Variants in RGS6 observed in about 807,000 individuals in gnomAD.
The protein encoded by RGS6 is regulator of G protein signaling 6.
A neutral mutation model predicts 78.5 loss-of-function variants in RGS6; 30 were observed. That is an observed-to-expected ratio of 0.38 (90% CI 0.29 to 0.52). RGS6 has a LOEUF of 0.52. RGS6 is among the 20% of genes least tolerant of loss of function. The pLI is 0.85. For missense variants in RGS6, 495 were observed against 609.7 expected, an observed-to-expected ratio of 0.81 and a Z score of 1.98; for synonymous variants, 206 against 206.0, an observed-to-expected ratio of 1.00 and a Z score of 0.00.
intron 2 of RGS6, among the ~76,000 whole-genome samples, chr14:72,190,347 A>T (rs569769428): frequency 1.3e-5 from 2 of 152,318 alleles, no homozygotes; most frequent in African/African-American, 4.8e-5. Flanking sequence ...TTTTTCCATC[A>T]TTTGGGTCTA....
chr14:72,399,564 C>G (rs1421107550), intron 3 of RGS6, among the ~76,000 whole-genome samples: 1 of 152,142 alleles, frequency 6.6e-6, no homozygotes, highest in Admixed American at 6.5e-5. Flanking sequence ...TGAATTTGAT[C>G]CTGTCCTTAT....
intron 3 of RGS6, among the ~76,000 whole-genome samples, chr14:72,445,988 G>T (rs373443573): frequency 1.3e-5 from 2 of 152,150 alleles, no homozygotes; most frequent in Non-Finnish European, 2.9e-5. Flanking sequence ...GCCAGTCATC[G>T]TGGTTCACAC....
chr14:72,047,725 A>ATTTCTT (rs3053105), intron 2 of RGS6, among the ~76,000 whole-genome samples: 1,761 of 151,726 alleles, frequency 0.012, 17 homozygotes, highest in Non-Finnish European at 0.021. Context: ...TACAAACTTC[A>ATTTCTT]TTTCTTTTTC....
chr14:72,589,184 A>G, the RGS6 span, among the ~76,000 whole-genome samples: 1 of 134,668 alleles, frequency 7.4e-6, no homozygotes, highest in Non-Finnish European at 1.7e-5. Flanking sequence ...AAAAAATAAA[A>G]TAAAGATATC....
intron 2 of RGS6, among the ~76,000 whole-genome samples, chr14:72,047,905 T>C (rs1017590313): frequency 6.8e-6 from 1 of 147,468 alleles, no homozygotes; most frequent in Admixed American, 6.7e-5. Context: ...TTTGTTTTTT[T>C]TTTTTTTTTT....
At chr14:72,623,830 A>G in the RGS6 span, among the ~76,000 whole-genome samples, 2 of 152,216 alleles carry the variant, frequency 1.3e-5, no homozygotes, top group Non-Finnish European at 2.9e-5. Flanking sequence ...ATGTTCTCTA[A>G]AGACCATTGC....
At position 72,055,692 on chromosome 14, in the gene RGS6, A is replaced by G. The variant is rs2093585135; in HGVS notation, c.84+90817A>G. 2.0e-5 allele frequency among the ~76,000 whole-genome samples: 3 copies of G among 152,156 alleles called. No homozygotes were observed. In the South Asian group the frequency reaches 6.2e-4, roughly 32 times the overall value. ...AGCTTCCCAGGTGATTCTAACGTGC[A>G]GTCAAGGTTGAGAATCACTGCTTTA... On this transcript the variant is annotated intron_variant, in intron 2 of 17. Coordinates refer to ENST00000553525, the MANE Select transcript of RGS6 (RefSeq NM_001204424.2).
chr14:72,468,306 G>T (rs34926602), intron 7 of RGS6, among the ~76,000 whole-genome samples: 1 of 151,810 alleles, frequency 6.6e-6, no homozygotes, highest in Non-Finnish European at 1.5e-5. Flanking sequence ...TTGAACCTGG[G>T]AGGCGGAGGT....
chr14:72,091,915 G>A (rs2095279866), intron 2 of RGS6, among the ~76,000 whole-genome samples: 1 of 152,192 alleles, frequency 6.6e-6, no homozygotes, highest in African/African-American at 2.4e-5. Context: ...GAATAAGTCA[G>A]ATCATTGACA....
intron 3 of RGS6, among the ~76,000 whole-genome samples, chr14:72,411,058 T>C (rs904296004): frequency 2.6e-5 from 4 of 152,214 alleles, no homozygotes; most frequent in African/African-American, 9.7e-5. Context: ...GCGGGCTCTT[T>C]TTTGGTTCCA....
At chr14:72,549,841 G>A (rs557650186) in intron 17 of RGS6, among the ~76,000 whole-genome samples, 5 of 152,244 alleles carry the variant, frequency 3.3e-5, no homozygotes, top group Middle Eastern at 3.4e-3. Flanking sequence ...CAGCCTGGGC[G>A]ACAGAGCAAA....
intron 2 of RGS6, among the ~76,000 whole-genome samples, chr14:72,235,653 A>G (rs900253169): frequency 6.6e-6 from 1 of 152,188 alleles, no homozygotes. Flanking sequence ...AAGTTGCTCA[A>G]TGGTTGCTCC....
At chr14:72,326,278 A>G (rs80017609) in intron 2 of RGS6, among the ~76,000 whole-genome samples, 2,710 of 152,336 alleles carry the variant, frequency 0.018, 37 homozygotes, top group Non-Finnish European at 0.028. Flanking sequence ...AGAGTATGTT[A>G]CCATTATTGT....
chr14:72,320,476 G>C lies in RGS6; in HGVS notation c.85-31619G>C, dbSNP rs553773032. ...ACCTGTAGTCCCAGCTACTTGGGAGGCTGAGGCAGGAGAATGGCGTGAACC... is the reference window on the plus strand; with the variant it reads ...ACCTGTAGTCCCAGCTACTTGGGAGCCTGAGGCAGGAGAATGGCGTGAACC... On this transcript the variant is annotated intron_variant, in intron 2 of 17. Transcript: ENST00000553525. 2.0e-5 allele frequency among the ~76,000 whole-genome samples: 3 copies of C among 152,164 alleles called. No individual in the cohort carries two copies. The East Asian group carries it at 5.8e-4, about 29-fold the overall frequency.
intron 1 of RGS6, among the ~76,000 whole-genome samples, chr14:71,950,067 G>A (rs1182206961): frequency 6.6e-6 from 1 of 152,082 alleles, no homozygotes; most frequent in Non-Finnish European, 1.5e-5. Flanking sequence ...AATTACGTGA[G>A]CTTTATAGGA....
the RGS6 span, among the ~76,000 whole-genome samples, chr14:71,898,799 A>G: frequency 6.6e-6 from 1 of 152,024 alleles, no homozygotes; most frequent in Non-Finnish European, 1.5e-5. Flanking sequence ...TTTGCTGAGG[A>G]TGATGGTTTC....
the RGS6 span, among the ~76,000 whole-genome samples, chr14:72,607,460 GC>G: frequency 1.3e-5 from 2 of 152,190 alleles, no homozygotes; most frequent in Non-Finnish European, 2.9e-5. Context: ...TGTGGACTCT[GC>G]CCCCCATGAC....
chr14:72,459,251 G>A (rs2095712803), intron 5 of RGS6, among the ~76,000 whole-genome samples: 1 of 152,178 alleles, frequency 6.6e-6, no homozygotes, highest in Admixed American at 6.5e-5. Context: ...TTGAATCAAG[G>A]TCTAACCAAA....
chr14:72,629,021 A>C, the RGS6 span, among the ~76,000 whole-genome samples: 1 of 152,250 alleles, frequency 6.6e-6, no homozygotes, highest in Non-Finnish European at 1.5e-5. Flanking sequence ...ATTCAAATAA[A>C]CAGGCTGTAA....
Sources: allele counts gnomAD v4.1 joint callset (sites outside exome capture counted in the v4.1 genomes callset), GRCh38; gene constraint gnomAD v4.1.1; transcripts MANE v1.5; gene names NCBI Gene and HGNC (gene_info 2026-07-23, HGNC 2026-07-21).